ENTPD1: variants seen among roughly 807,000 people sequenced by gnomAD.
ENTPD1 encodes the protein ectonucleoside triphosphate diphosphohydrolase 1.
ENTPD1 carries 33 observed loss-of-function variants against 57.0 expected under a neutral mutation model. The ratio of observed to expected loss-of-function variants is 0.58; its 90% CI spans 0.44 to 0.77. The LOEUF (loss-of-function observed/expected upper bound fraction) is 0.77. ENTPD1 is among the 30% of genes least tolerant of loss of function. The probability of loss-of-function intolerance (pLI) is 0.00; values close to 1 mark genes in which losing one functional copy is unlikely to be tolerated. For synonymous variants in ENTPD1, 202 were observed against 218.8 expected, an observed-to-expected ratio of 0.92 and a Z score of 0.68; for missense variants, 501 against 603.4, an observed-to-expected ratio of 0.83 and a Z score of 1.78.
At position 95,868,219 on chromosome 10, in the gene ENTPD1, C is replaced by T; in HGVS notation, c.*1836C>T. The T allele has an allele frequency of 1.0e-6, 1 of 985,436 alleles. No homozygotes were observed. The highest frequency in any genetic ancestry group is 1.7e-5 in the African/African-American group (1 of 57,360). The allele number at this position is 985,436 out of a possible 1,614,324, so 61.0% of individuals were successfully genotyped here. The stretch of plus-strand genomic sequence containing the variant: ...TGGCTGAGCCAAAGCCTACCATGTA[C>T]CTAACCTTTATTTTCTTTCCCGAAC... On this transcript the variant is annotated 3_prime_UTR_variant, in exon 10 of 10. Coordinates refer to ENST00000371205, the MANE Select transcript of ENTPD1 (RefSeq NM_001776.6).
Position 95,773,343 on chromosome 10 carries a change from C to T in ENTPD1, c.16+17088C>T, listed in dbSNP as rs994086682. Among the ~76,000 whole-genome samples, 66 of 152,164 alleles carry T rather than the reference C, an allele frequency of 4.3e-4. 2 individuals are homozygous for T. Among genetic ancestry groups the T allele is most frequent in the Non-Finnish European group, 1.5e-5 (1 of 68,020 alleles). The stretch of plus-strand genomic sequence containing the variant: ...TATTAGCAGGCATGAAAACATTTAT[C>T]TTCTTGTATATCTTCATCAGAGCTC... On this transcript the variant is annotated intron_variant, in intron 1 of 9. Transcript: ENST00000371205.
intron 6 of ENTPD1, among the ~76,000 whole-genome samples, chr10:95,846,753 C>T (rs562643033): frequency 4.0e-4 from 61 of 151,728 alleles, no homozygotes; most frequent in African/African-American, 1.2e-3. Flanking sequence ...TTTGGGAGGC[C>T]GAGGCGGGTG....
At chr10:95,864,177 T>C (rs1313003201) in intron 8 of ENTPD1, among the ~76,000 whole-genome samples, 1 of 152,234 alleles carries the variant, frequency 6.6e-6, no homozygotes, top group East Asian at 1.9e-4. Flanking sequence ...AAATGCTGCC[T>C]AAACTGTGTC....
chr10:95,750,806 C>T (rs1055186554), upstream of ENTPD1, among the ~76,000 whole-genome samples: 14 of 152,024 alleles, frequency 9.2e-5, no homozygotes, highest in Non-Finnish European at 1.3e-4. Flanking sequence ...GGGCAGATCA[C>T]GAGGTCAGGA....
At chr10:95,775,903 T>C (rs891342045) in intron 1 of ENTPD1, among the ~76,000 whole-genome samples, 1 of 152,214 alleles carries the variant, frequency 6.6e-6, no homozygotes, top group Non-Finnish European at 1.5e-5. Context: ...ATGGCCTTCT[T>C]TGTCTCTTTT....
chr10:95,833,993 CAT>C (rs1462148605), intron 2 of ENTPD1, among the ~76,000 whole-genome samples: 1 of 152,254 alleles, frequency 6.6e-6, no homozygotes, highest in Non-Finnish European at 1.5e-5. Context: ...GTTTTCAACA[CAT>C]GAGTTTTGGA....
In ENTPD1 at chr10:95,868,901, A is replaced by C; in HGVS notation, c.*2518A>C. 1 of 985,374 alleles carries C rather than the reference A, an allele frequency of 1.0e-6. No individual in the cohort carries two copies. Among genetic ancestry groups the C allele is most frequent in the Non-Finnish European group, 1.2e-6 (1 of 829,932 alleles). The allele number at this position is 985,374 out of a possible 1,614,324, so 61.0% of individuals were successfully genotyped here. ...TTAAGGTATTTGGGAGCCAAACTCA[A>C]CTTGTTAAAATCTCAAATTATGGAG... On this transcript the variant is annotated 3_prime_UTR_variant, in exon 10 of 10. Coordinates refer to ENST00000371205, the MANE Select transcript of ENTPD1 (RefSeq NM_001776.6).
At chr10:95,857,434 G>C (rs989034522) in intron 7 of ENTPD1, among the ~76,000 whole-genome samples, 2 of 152,138 alleles carry the variant, frequency 1.3e-5, no homozygotes, top group East Asian at 1.9e-4. Context: ...CTTTTGAAAT[G>C]TAACAATTTA....
At chr10:95,812,451 C>G (rs1051831862) in intron 1 of ENTPD1, among the ~76,000 whole-genome samples, 8 of 152,124 alleles carry the variant, frequency 5.3e-5, no homozygotes, top group African/African-American at 9.7e-5. Flanking sequence ...AGTAGAATTT[C>G]ATTGTATGAT....
rs528539199 is a variant in ENTPD1, at chr10:95,826,523, A to G, written c.144+3159A>G. Among the ~76,000 whole-genome samples, 5 of 149,992 alleles carry G rather than the reference A, an allele frequency of 3.3e-5. No individual in the cohort carries two copies. In the East Asian group the frequency reaches 9.8e-4, roughly 29 times the overall value. On this transcript the variant is annotated intron_variant, in intron 2 of 9. Transcript: ENST00000371205. ...CAGAGGCGGAGGTTGCAGTGAGCCA[A>G]GATCTGCCACTGCACTCTAGCTTGG...
rs1012004852 is a variant in ENTPD1 at position 95,874,987 on chromosome 10, A to C, written c.*8604A>C. The stretch of plus-strand genomic sequence containing the variant: ...GACCCTGGGCCCAGCCCACAAAACC[A>C]CTTTTTCCTCCTGGGCCTCTGGGCC... On this transcript the variant is annotated 3_prime_UTR_variant, in exon 10 of 10. Transcript: ENST00000371205. 6.6e-6 allele frequency: 1 copy of C among 151,778 alleles called. No individual in the cohort carries two copies. The highest frequency in any genetic ancestry group is 2.4e-5 in the African/African-American group (1 of 41,302). The allele number at this position is 151,778 out of a possible 1,614,324, so 9.4% of individuals were successfully genotyped here.
chr10:95,707,045 G>A (rs941467940), upstream of ENTPD1, among the ~76,000 whole-genome samples: 3 of 152,176 alleles, frequency 2.0e-5, no homozygotes, highest in African/African-American at 7.2e-5. Flanking sequence ...AGAGATGGCC[G>A]GGTCCTGTGC....
At chr10:95,716,889 T>A (rs1180365579) in intron 1 of ENTPD1, among the ~76,000 whole-genome samples, 1 of 152,248 alleles carries the variant, frequency 6.6e-6, no homozygotes, top group Non-Finnish European at 1.5e-5. Context: ...ACTGAGCCAT[T>A]TCTGTAGCTA....
chr10:95,860,484 T>C lies in ENTPD1; in HGVS notation c.1090T>C (p.Tyr364His), dbSNP rs1301450118. 1.2e-6 allele frequency: 2 copies of C among 1,613,490 alleles called. No homozygotes were observed. Among genetic ancestry groups the C allele is most frequent in the Non-Finnish European group, 1.7e-6 (2 of 1,179,634 alleles). ...QGDFGAFSAF[Y>H]FVMKFLNLTS... Reference sequence around the variant, plus strand: ...TCTCTTGTAGGCATTTTCAGCTTTTTACTTTGTGATGAAGTTTTTAAACTT... The same window carrying C: ...TCTCTTGTAGGCATTTTCAGCTTTTCACTTTGTGATGAAGTTTTTAAACTT... The change falls in exon 8 of 10, where the codon TAC becomes CAC. Residue 364 changes from tyrosine (Y) to histidine (H), a missense_variant. By Grantham distance (83) the Tyr-to-His change is moderately conservative. Transcript: ENST00000371205.
At chr10:95,831,532 C>G (rs1029478456) in intron 2 of ENTPD1, among the ~76,000 whole-genome samples, 2 of 152,250 alleles carry the variant, frequency 1.3e-5, no homozygotes, top group African/African-American at 4.8e-5. Context: ...ACTGCAGACA[C>G]TCAGTGATTG....
At chr10:95,704,819 T>G in the ENTPD1 span, among the ~76,000 whole-genome samples, 1 of 151,740 alleles carries the variant, frequency 6.6e-6, no homozygotes, top group African/African-American at 2.4e-5. Flanking sequence ...AAAAAGACAG[T>G]ATTAAGAGAG....
At chr10:95,746,631 C>T (rs2098006356) in intron 1 of ENTPD1, among the ~76,000 whole-genome samples, 1 of 152,150 alleles carries the variant, frequency 6.6e-6, no homozygotes, top group South Asian at 2.1e-4. Context: ...TACTACTTTC[C>T]ACAAGAAGGG....
chr10:95,732,403 T>C (rs1463771712), intron 1 of ENTPD1, among the ~76,000 whole-genome samples: 1 of 152,208 alleles, frequency 6.6e-6, no homozygotes, highest in Non-Finnish European at 1.5e-5. Context: ...CCCAGCCATC[T>C]AACCTACTTT....
chr10:95,795,616 T>C (rs1236704988), intron 1 of ENTPD1, among the ~76,000 whole-genome samples: 7 of 152,342 alleles, frequency 4.6e-5, no homozygotes, highest in Non-Finnish European at 7.3e-5. Flanking sequence ...TGCGTCTTCA[T>C]GTCAACTTAC....
Sources: gnomAD v4.1 joint callset for allele counts (sites outside exome capture counted in the v4.1 genomes callset) on GRCh38, gnomAD v4.1.1 for gene constraint, MANE v1.5 for transcripts, NCBI Gene and HGNC (gene_info 2026-07-23, HGNC 2026-07-21) for gene names.